The following WNK2 variants were observed in gnomAD, a reference collection of about 807,000 sequenced individuals.
WNK2 encodes serine/threonine-protein kinase WNK2.
A neutral mutation model predicts 192.1 loss-of-function variants in WNK2; 67 were observed. The ratio of observed to expected loss-of-function variants is 0.35; its 90% confidence interval spans 0.29 to 0.43. WNK2 has a LOEUF of 0.43. Ranked by LOEUF, WNK2 falls within the 20% of genes least tolerant of loss-of-function variation. The pLI, the probability that WNK2 is intolerant of heterozygous loss-of-function variation, is 1.00. For synonymous variants in WNK2, 1,439 were observed against 1,393.9 expected, an observed-to-expected ratio of 1.03 and a Z score of -0.72; for missense variants, 2,698 against 3,089.7, an observed-to-expected ratio of 0.87 and a Z score of 3.01.
intron 2 of WNK2, among the ~76,000 whole-genome samples, chr9:93,213,740 G>C (rs770429152): frequency 6.6e-6 from 1 of 151,938 alleles, no homozygotes; most frequent in African/African-American, 2.4e-5. Flanking sequence ...AGTAAGCCGA[G>C]ATCACACCAT....
At chr9:93,217,953 C>T (rs887149656) in intron 2 of WNK2, among the ~76,000 whole-genome samples, 14 of 142,582 alleles carry the variant, frequency 9.8e-5, no homozygotes, top group Middle Eastern at 7.5e-3. Flanking sequence ...GGGCCTTGTA[C>T]AGTAGCAGGC....
chr9:93,265,290 G>A (rs1844976560), intron 16 of WNK2, among the ~76,000 whole-genome samples: 1 of 152,246 alleles, frequency 6.6e-6, no homozygotes. Flanking sequence ...GCTAAGAGGA[G>A]ACATCAAGGT....
chr9:93,292,389 T>C lies in WNK2; in HGVS notation c.5018T>C (p.Val1673Ala), dbSNP rs1266458463. ...TCAGACTCCCATGTGGTCCCCAGCG[T>C]CCCCCAGGTAAGGGCGACTTGACGA... The part of the protein sequence containing the change: ...VASDSHVVPS[V>A]PQDVPAFVRP... Residue 1673 changes from valine to alanine, a missense_variant, in exon 22 of 30, where the codon GTC becomes GCC. Physicochemically the swap from Val to Ala is moderately conservative, Grantham distance 64 (BLOSUM62 0). This residue lies in a region of WNK2 where 1,098 missense variants were observed against 1,101.0 expected (regional missense o/e 1.00). Transcript: ENST00000427277. 1 of 1,613,888 alleles carries C rather than the reference T, an allele frequency of 6.2e-7. No individual in the cohort carries two copies. Among genetic ancestry groups the C allele is most frequent in the Admixed American group, 1.7e-5 (1 of 60,022 alleles).
intron 2 of WNK2, among the ~76,000 whole-genome samples, chr9:93,222,324 A>G (rs1280305369): frequency 6.6e-6 from 1 of 152,156 alleles, no homozygotes; most frequent in Non-Finnish European, 1.5e-5. Flanking sequence ...GTGTGCCACC[A>G]CACCCAGCTA....
At chr9:93,249,736 A>C (rs1842268173) in intron 8 of WNK2, among the ~76,000 whole-genome samples, 1 of 152,018 alleles carries the variant, frequency 6.6e-6, no homozygotes, top group Admixed American at 6.6e-5. Flanking sequence ...AGCCTCTGAA[A>C]GTGCTGGGAT....
intron 19 of WNK2, among the ~76,000 whole-genome samples, chr9:93,271,926 A>G (rs1327816532): frequency 6.6e-6 from 1 of 152,384 alleles, no homozygotes; most frequent in Non-Finnish European, 1.5e-5. Flanking sequence ...GAGTGACTAT[A>G]GATTTCTCGC....
intron 1 of WNK2, among the ~76,000 whole-genome samples, 197 bp downstream of exon 1, chr9:93,184,582 C>T (rs914744339): frequency 1.3e-5 from 2 of 152,192 alleles, no homozygotes; most frequent in African/African-American, 4.8e-5. Context: ...CTAGCAGAAC[C>T]CTCCTGGGCC....
chr9:93,286,889 A>G (rs1848518597), intron 19 of WNK2, among the ~76,000 whole-genome samples: 1 of 152,224 alleles, frequency 6.6e-6, no homozygotes, highest in Admixed American at 6.5e-5. Context: ...ATTATGCTAT[A>G]TGAAATAAGC....
At chr9:93,208,528 T>A (rs1371295070) in intron 2 of WNK2, among the ~76,000 whole-genome samples, 1 of 151,494 alleles carries the variant, frequency 6.6e-6, no homozygotes, top group East Asian at 1.9e-4. Flanking sequence ...TTATGTGTAT[T>A]CTGTGTGTGT....
intron 28 of WNK2, chr9:93,308,802 A>ACAGGC (rs991242211): frequency 9.8e-5 from 139 of 1,420,562 alleles, no homozygotes; most frequent in Middle Eastern, 2.6e-4. Flanking sequence ...GGTGGAAAGG[A>ACAGGC]CAGGCCAGGC....
chr9:93,204,805 C>T (rs1833083600), intron 2 of WNK2, among the ~76,000 whole-genome samples: 1 of 152,084 alleles, frequency 6.6e-6, no homozygotes, highest in African/African-American at 2.4e-5. Flanking sequence ...CAGGGAGGAA[C>T]ATGGGTGTCT....
rs761064127 is a variant in WNK2, at chr9:93,185,120, G to GCCCGCAGCC, written c.203_211dup (p.Pro68_Pro70dup). ...GGCTTGGAGGCAGCCGAGGCGCCGG[G>GCCCGCAGCC]CCCGCAGCCCCCGCAGCCCCTGCAG... is the stretch of plus-strand genomic sequence containing the variant. On this transcript the variant is annotated inframe_insertion, in exon 2 of 30. Coordinates refer to ENST00000427277, the MANE Select transcript of WNK2 (RefSeq NM_006648.4). The GCCCGCAGCC allele has an allele frequency of 2.2e-4, 283 of 1,308,600 alleles. No individual in the cohort carries two copies. Among genetic ancestry groups the GCCCGCAGCC allele is most frequent in the Non-Finnish European group, 2.6e-4 (263 of 1,023,416 alleles). The allele number at this position is 1,308,600 out of a possible 1,614,324, so 81.1% of individuals were successfully genotyped here.
intron 19 of WNK2, among the ~76,000 whole-genome samples, chr9:93,278,221 G>T (rs142417930): frequency 6.6e-6 from 1 of 152,298 alleles, no homozygotes; most frequent in Non-Finnish European, 1.5e-5. Context: ...AGCTGAGAGT[G>T]TGGAGAGACC....
intron 29 of WNK2, among the ~76,000 whole-genome samples, chr9:93,319,967 G>T (rs1345083350): frequency 6.6e-6 from 1 of 152,176 alleles, no homozygotes; most frequent in African/African-American, 2.4e-5. Context: ...CCACTGTGGG[G>T]GCTGCCTTGG....
chr9:93,261,996 G>T lies in WNK2; in HGVS notation c.3249G>T (p.Val1083=), dbSNP rs768225084. ...CGGTGTCTGCCTCTGTGCAGAGTGT[G>T]CCCACCCAGACTGCCACACTTCTGC... ...LATVSASVQS[V]PTQTATLLPP... Residue 1083 remains valine (V), a synonymous_variant, in exon 13 of 30, where the codon GTG becomes GTT. Coordinates refer to ENST00000427277, the MANE Select transcript of WNK2 (RefSeq NM_006648.4). 3.4e-5 allele frequency: 54 copies of T among 1,611,848 alleles called. No individual in the cohort carries two copies. The highest frequency in any genetic ancestry group is 4.5e-5 in the Non-Finnish European group (53 of 1,179,542).
At chr9:93,195,634 G>A (rs111527161) in intron 2 of WNK2, among the ~76,000 whole-genome samples, 75 of 136,378 alleles carry the variant, frequency 5.5e-4, no homozygotes, top group African/African-American at 1.9e-3. Flanking sequence ...AGGAGGTGGA[G>A]GTTGCAGTGA....
At chr9:93,273,062 CA>C (rs1846247027) in intron 19 of WNK2, among the ~76,000 whole-genome samples, 1 of 152,146 alleles carries the variant, frequency 6.6e-6, no homozygotes, top group African/African-American at 2.4e-5. Flanking sequence ...AAACACAAAT[CA>C]AAAGAATGCT....
chr9:93,185,030 C>T lies in WNK2; in HGVS notation c.101C>T (p.Ala34Val). Residue 34 changes from alanine (A) to valine (V), a missense_variant, in exon 2 of 30, where the codon GCG becomes GTG. Coordinates refer to ENST00000427277, the MANE Select transcript of WNK2 (RefSeq NM_006648.4). ...AGMAEPRAKA[A>V]RPGPQRFLRR... ...ATGGCGGAGCCTCGGGCGAAGGCGG[C>T]GCGGCCGGGGCCCCAGCGCTTTCTG... 6.4e-6 allele frequency: 8 copies of T among 1,259,352 alleles called. No homozygotes were observed. Among genetic ancestry groups the T allele is most frequent in the South Asian group, 2.9e-5 (1 of 34,654 alleles). The allele number at this position is 1,259,352 out of a possible 1,614,324, so 78.0% of individuals were successfully genotyped here.
intron 19 of WNK2, among the ~76,000 whole-genome samples, chr9:93,281,937 G>GTCA (rs1316278887): frequency 1.3e-5 from 2 of 152,062 alleles, no homozygotes; most frequent in African/African-American, 4.8e-5. Context: ...GAGAAAAGCA[G>GTCA]TCATCACCTT....
Sources: gnomAD v4.1 joint callset for allele counts (sites outside exome capture counted in the v4.1 genomes callset) on GRCh38, gnomAD v4.1.1 for gene constraint, gnomAD v4.1.1 regional missense constraint, MANE v1.5 for transcripts, NCBI Gene and HGNC (gene_info 2026-07-23, HGNC 2026-07-21) for gene names.